The following OPRM1 variants were observed in gnomAD, a reference collection of about 807,000 sequenced individuals.
The protein encoded by OPRM1 is opioid receptor mu 1, also known as mu-type opioid receptor.
Under a neutral mutation model 31.8 loss-of-function variants are expected in OPRM1, and 27 were observed. The ratio of observed to expected loss-of-function variants is 0.85; its 90% CI spans 0.63 to 1.17. The LOEUF is 1.17. OPRM1 is among the 50% of genes most tolerant of loss of function. OPRM1 has a pLI of 0.00. For missense variants in OPRM1, 536 were observed against 511.1 expected (o/e 1.05, Z -0.47); for synonymous variants, 196 against 189.9 (o/e 1.03, Z -0.26).
rs1392074059 is a variant in OPRM1, at chr6:154,147,072, G to A, written c.1164+55600G>A. ...AGTTATTGGTCACTGGCTGCTGAGG[G>A]AGAGGTGGGGAAGGGGAGCAGAAGG... is the stretch of plus-strand genomic sequence containing the variant. On this transcript the variant is annotated intron_variant, in intron 3 of 3. Coordinates refer to the OPRM1 transcript ENST00000337049. Among the ~76,000 whole-genome samples the A allele has an allele frequency of 2.6e-5, 4 of 152,290 alleles. No homozygotes were observed. The South Asian group carries it at 6.2e-4, about 24-fold the overall frequency.
rs1156903452 is a variant in OPRM1 at position 154,152,344 on chromosome 6, AAAG to A, written c.1164+60873_1164+60875del. ...GAAAGAAAGAAAGAAAGAAAGAAAG[AAAG>A]GAAAGAAAGAAAGAAAGAAAGAAAG... On this transcript the variant is annotated intron_variant, in intron 3 of 3. Coordinates refer to the OPRM1 transcript ENST00000337049. Among the ~76,000 whole-genome samples the A allele has an allele frequency of 5.7e-3, 65 of 11,426 alleles. 1 individual carries two copies. Among genetic ancestry groups the A allele is most frequent in the South Asian group, 0.013 (4 of 316 alleles). 7.5% of individuals were successfully genotyped at this position (11,426 alleles called of 152,430 possible). A position where few individuals can be genotyped will look rare whatever the true frequency, so the allele number is the denominator to read the frequency against.
chr6:154,100,173 ATT>A (rs1310691858), intron 3 of OPRM1, among the ~76,000 whole-genome samples: 2 of 117,128 alleles, frequency 1.7e-5, no homozygotes, highest in African/African-American at 7.5e-5. Flanking sequence ...CATAATATAT[ATT>A]ATCATATTAT....
Position 154,129,033 on chromosome 6 carries a change from CA to C in OPRM1, c.*10316del, listed in dbSNP as rs1286881607. Among the ~76,000 whole-genome samples, 7 of 152,112 alleles carry C rather than the reference CA, an allele frequency of 4.6e-5. No homozygotes were observed. The highest frequency in any genetic ancestry group is 2.9e-5 in the Non-Finnish European group (2 of 68,020). On this transcript the variant is annotated 3_prime_UTR_variant, in exon 4 of 4. Coordinates refer to ENST00000330432, the MANE Select transcript of OPRM1 (RefSeq NM_000914.5). ...ATGGTGTAGCAGGATGAGCCACAGA[CA>C]AAACCTCTCAGACACCGAGTTGTAG...
chr6:154,091,204 A>G lies in OPRM1; in HGVS notation c.896A>G (p.His299Arg). The change falls in exon 3 of 4, where the codon CAC becomes CGC. Residue 299 changes from histidine to arginine, a missense_variant. Physicochemically the swap from His to Arg is conservative, Grantham distance 29. Transcript: ENST00000330432. ...AVFIVCWTPIHIYVIIKALVT... is the reference protein window; with the variant it reads ...AVFIVCWTPIRIYVIIKALVT... ...TTCATCGTCTGCTGGACTCCCATTC[A>G]CATTTACGTCATCATTAAAGCCTTG... The G allele has an allele frequency of 1.2e-6, 2 of 1,614,102 alleles. No homozygotes were observed. The highest frequency in any genetic ancestry group is 1.7e-6 in the Non-Finnish European group (2 of 1,180,022).
intron 3 of OPRM1, among the ~76,000 whole-genome samples, chr6:154,246,011 T>C (rs7741417): frequency 0.84 from 127,886 of 152,176 alleles, 54,564 homozygotes; most frequent in Middle Eastern, 0.88. Flanking sequence ...ACTAGTTTAA[T>C]GCCATCACAG....
At chr6:154,203,251 C>A (rs1242066765) in intron 3 of OPRM1, among the ~76,000 whole-genome samples, 2 of 152,150 alleles carry the variant, frequency 1.3e-5, no homozygotes, top group East Asian at 1.9e-4. Flanking sequence ...ATGAGCCCAA[C>A]CTTCGTGTGT....
intron 3 of OPRM1, among the ~76,000 whole-genome samples, chr6:154,228,149 T>C (rs1397163166): frequency 6.6e-6 from 1 of 152,040 alleles, no homozygotes; most frequent in Non-Finnish European, 1.5e-5. Flanking sequence ...TCCTTCTTCT[T>C]CAATTCCTAA....
intron 1 of OPRM1, among the ~76,000 whole-genome samples, chr6:154,045,291 A>G (rs530725846): frequency 6.6e-6 from 1 of 152,310 alleles, no homozygotes; most frequent in Non-Finnish European, 1.5e-5. Flanking sequence ...GGTGCATGTC[A>G]TTTTAAAATA....
At chr6:154,093,500 G>A (rs996698559) in intron 3 of OPRM1, 10 of 1,602,784 alleles carry the variant, frequency 6.2e-6, no homozygotes, top group Non-Finnish European at 8.5e-6. Context: ...TCCAAATTCG[G>A]CATTTTCACA....
At chr6:154,030,386 T>A (rs1354941354) in intron 1 of OPRM1, among the ~76,000 whole-genome samples, 1 of 152,224 alleles carries the variant, frequency 6.6e-6, no homozygotes, top group Non-Finnish European at 1.5e-5. Context: ...AACAGGACTA[T>A]GTCTGTCTCT....
At chr6:154,176,868 C>G (rs1800378469) in intron 3 of OPRM1, among the ~76,000 whole-genome samples, 1 of 152,202 alleles carries the variant, frequency 6.6e-6, no homozygotes, top group Admixed American at 6.5e-5. Context: ...CTGGAGGCAT[C>G]ATGCTACCTG....
chr6:154,143,816 CCA>C (rs769646327), intron 3 of OPRM1, among the ~76,000 whole-genome samples: 30 of 150,442 alleles, frequency 2.0e-4, no homozygotes, highest in African/African-American at 5.8e-4. Flanking sequence ...CTACAAAATA[CCA>C]CACACACACA....
At chr6:154,219,797 A>C (rs967208673) in intron 3 of OPRM1, among the ~76,000 whole-genome samples, 3 of 152,230 alleles carry the variant, frequency 2.0e-5, no homozygotes, top group Non-Finnish European at 2.9e-5. Flanking sequence ...TTGTCCAAGT[A>C]AATCAAAGCT....
intron 3 of OPRM1, among the ~76,000 whole-genome samples, chr6:154,161,570 C>T (rs1799021422): frequency 6.6e-6 from 1 of 152,150 alleles, no homozygotes; most frequent in South Asian, 2.1e-4. Flanking sequence ...GTCCAGGAAA[C>T]CTTCCCTGCA....
intron 3 of OPRM1, among the ~76,000 whole-genome samples, chr6:154,181,708 A>G (rs1800890784): frequency 6.6e-6 from 1 of 152,196 alleles, no homozygotes; most frequent in Non-Finnish European, 1.5e-5. Flanking sequence ...TTGTACCTCA[A>G]ATTCTGTCTC....
intron 3 of OPRM1, among the ~76,000 whole-genome samples, chr6:154,182,874 GAAC>G (rs1438599704): frequency 6.6e-6 from 1 of 152,162 alleles, no homozygotes; most frequent in East Asian, 1.9e-4. Flanking sequence ...TGAGACTAGG[GAAC>G]ACTTCAGGTC....
chr6:154,099,943 TATC>T (rs1241255899), intron 3 of OPRM1, among the ~76,000 whole-genome samples: 24 of 142,964 alleles, frequency 1.7e-4, no homozygotes, highest in African/African-American at 6.1e-4. Flanking sequence ...TTATGATATA[TATC>T]ATAACATATA....
intron 3 of OPRM1, chr6:154,157,267 C>G (rs1230177256): frequency 2.0e-5 from 3 of 152,314 alleles, no homozygotes; most frequent in African/African-American, 7.2e-5. Flanking sequence ...ACAGCCTAGG[C>G]TGAGAACTCA....
rs1448641530 is a variant in OPRM1 at position 154,143,828 on chromosome 6, A to G, written c.1164+52356A>G. On this transcript the variant is annotated intron_variant, in intron 3 of 3. Transcript: ENST00000337049. ...CTACTACAAAATACCACACACACAC[A>G]CACACAAATTGAAAACAGAAAAACA... 3.9e-5 allele frequency among the ~76,000 whole-genome samples: 6 copies of G among 152,238 alleles called. No individual in the cohort carries two copies. In the South Asian group the frequency reaches 6.2e-4, roughly 16 times the overall value.
Sources: gnomAD v4.1 joint callset for allele counts (sites outside exome capture counted in the v4.1 genomes callset) on GRCh38, gnomAD v4.1.1 for gene constraint, MANE v1.5 for transcripts, NCBI Gene and HGNC (gene_info 2026-07-23, HGNC 2026-07-21) for gene names.